The following NUP153 variants were observed in gnomAD, a reference collection of about 807,000 sequenced individuals.
The protein encoded by NUP153 is nucleoporin 153.
NUP153 carries 27 observed loss-of-function variants against 134.6 expected under a neutral mutation model. The observed-to-expected ratio is 0.20, with a 90% CI of 0.15 to 0.28. The LOEUF is 0.28. Ranked by LOEUF, NUP153 falls within the 10% of genes least tolerant of loss-of-function variation. The pLI is 1.00. For missense variants in NUP153, 1,821 were observed against 1,731.3 expected, an observed-to-expected ratio of 1.05 and a Z score of -0.92; for synonymous variants, 640 against 623.5, an observed-to-expected ratio of 1.03 and a Z score of -0.40.
chr6:17,629,587 T>G, intron 17 of NUP153, 48 bp from the exon 18 acceptor site: 1 of 1,499,634 alleles, frequency 6.7e-7, no homozygotes, highest in African/African-American at 1.4e-5. Context: ...GTACTGATCC[T>G]CTCAAACAAA....
chr6:17,649,296 A>G lies in NUP153; in HGVS notation c.1400T>C (p.Met467Thr). The G allele has an allele frequency of 1.2e-6, 2 of 1,609,992 alleles. No homozygotes were observed. The highest frequency in any genetic ancestry group is 1.7e-4 in the Middle Eastern group (1 of 6,044). The change falls in exon 12 of 22, where the codon ATG becomes ACG. Residue 467 changes from methionine (M) to threonine (T), a missense_variant. By Grantham distance (81) the Met-to-Thr change is moderately conservative. Transcript: ENST00000262077. Reference sequence around the variant, plus strand: ...GATTTTCGGTAATACTGGAACTTCCATTTCCTAAAACATAACATGTTGCAT... The same window carrying G: ...GATTTTCGGTAATACTGGAACTTCCGTTTCCTAAAACATAACATGTTGCAT... The part of the protein sequence containing the change: ...VASKPLEEEE[M>T]EVPVLPKISL...
At chr6:17,648,939 CCTT>C (rs779725124) in intron 12 of NUP153, among the ~76,000 whole-genome samples, 1 of 152,162 alleles carries the variant, frequency 6.6e-6, no homozygotes, top group Non-Finnish European at 1.5e-5. Context: ...ACAAGAATAT[CCTT>C]CTCTATGGTA....
Position 17,629,010 on chromosome 6 carries a change from G to C in NUP153, c.3189C>G (p.Phe1063Leu), listed in dbSNP as rs766384830. The C allele has an allele frequency of 3.1e-6, 5 of 1,614,154 alleles. No individual in the cohort carries two copies. The South Asian group carries it at 4.4e-5, about 14-fold the overall frequency. ...IETKSASVAPFTCKTSEAKKE... is the reference protein window; with the variant it reads ...IETKSASVAPLTCKTSEAKKE... ...TTTTAGCTTCTGATGTCTTACATGTGAAAGGAGCCACTGAAGCACTCTTGG... is the reference window on the plus strand; with the variant it reads ...TTTTAGCTTCTGATGTCTTACATGTCAAAGGAGCCACTGAAGCACTCTTGG... Residue 1063 changes from phenylalanine (F) to leucine (L), a missense_variant, in exon 18 of 22, where the codon TTC becomes TTG. By Grantham distance (22) the Phe-to-Leu change is conservative. Transcript: ENST00000262077.
chr6:17,645,057 C>G (rs1457067130), intron 14 of NUP153, among the ~76,000 whole-genome samples: 1 of 151,794 alleles, frequency 6.6e-6, no homozygotes, highest in Non-Finnish European at 1.5e-5. Flanking sequence ...TGTACTCCAA[C>G]CTGGGGGACA....
chr6:17,651,799 A>G, intron 11 of NUP153: 1 of 564,818 alleles, frequency 1.8e-6, no homozygotes, highest in Non-Finnish European at 3.4e-6. Flanking sequence ...AAAATCCATG[A>G]AACAAAAATT....
chr6:17,641,448 T>C (rs575034295), intron 14 of NUP153, among the ~76,000 whole-genome samples: 10 of 151,582 alleles, frequency 6.6e-5, no homozygotes, highest in East Asian at 2.0e-4. Context: ...GGCAGGAGAA[T>C]TGCTTGAACC....
intron 20 of NUP153, among the ~76,000 whole-genome samples, chr6:17,624,249 A>T (rs1006835734): frequency 2.0e-5 from 3 of 152,188 alleles, no homozygotes; most frequent in African/African-American, 4.8e-5. Context: ...ACAGGATCAG[A>T]AAATGCACTT....
intron 1 of NUP153, among the ~76,000 whole-genome samples, chr6:17,694,887 G>A (rs1478844375): frequency 6.6e-6 from 1 of 150,556 alleles, no homozygotes; most frequent in East Asian, 2.0e-4. Flanking sequence ...GCTGAGGTAG[G>A]AGAATCGCTT....
chr6:17,675,186 A>C lies in NUP153; in HGVS notation c.723+43T>G. The C allele has an allele frequency of 1.3e-6, 2 of 1,593,334 alleles. No individual in the cohort carries two copies. The highest frequency in any genetic ancestry group is 1.7e-6 in the Non-Finnish European group (2 of 1,172,768). The stretch of plus-strand genomic sequence containing the variant: ...AAAAAAAAAATTATAAGCAATAAAC[A>C]CTCAAAACTAATGTGATTAAATCCA... On this transcript the variant is annotated intron_variant, in intron 4 of 21. Transcript: ENST00000262077. The surrounding 1 kb of genome is among the most constrained non-coding windows in gnomAD (Gnocchi z 4.4).
At chr6:17,688,268 C>T (rs1769062006) in intron 2 of NUP153, 128 bp downstream of exon 2, 2 of 649,460 alleles carry the variant, frequency 3.1e-6, no homozygotes, top group African/African-American at 1.8e-5. Flanking sequence ...CCAATTTGAA[C>T]CTGATTATCA....
chr6:17,623,464 A>T (rs1764760059), intron 20 of NUP153, among the ~76,000 whole-genome samples: 2 of 152,192 alleles, frequency 1.3e-5, no homozygotes, highest in Admixed American at 1.3e-4. Flanking sequence ...GAATTGGCAG[A>T]ATCCATCAGG....
At chr6:17,666,376 G>A (rs563924658) in intron 8 of NUP153, among the ~76,000 whole-genome samples, 16 of 152,152 alleles carry the variant, frequency 1.1e-4, no homozygotes, top group African/African-American at 3.6e-4. Context: ...TTAGCCAGGC[G>A]TGGTGGCATG....
intron 21 of NUP153, 100 bp from the exon 22 acceptor site, chr6:17,616,281 G>T: frequency 1.7e-5 from 8 of 459,232 alleles, no homozygotes; most frequent in South Asian, 5.6e-5. Context: ...GGGGGGTCGG[G>T]TGGGGGGGGA....
At chr6:17,671,296 G>A (rs868803999) in intron 5 of NUP153, among the ~76,000 whole-genome samples, 6 of 151,950 alleles carry the variant, frequency 3.9e-5, no homozygotes, top group African/African-American at 7.3e-5. Flanking sequence ...TTTTGGTCTC[G>A]GGGTAATAAT....
At chr6:17,685,476 G>A (rs1000057117) in intron 2 of NUP153, among the ~76,000 whole-genome samples, 3 of 151,348 alleles carry the variant, frequency 2.0e-5, no homozygotes, top group Non-Finnish European at 4.4e-5. Flanking sequence ...GTGAACCCAG[G>A]AGGCGGAGCT....
intron 20 of NUP153, among the ~76,000 whole-genome samples, chr6:17,618,560 CTCTTTTTTT>C (rs1764459220): frequency 1.9e-5 from 2 of 104,946 alleles, no homozygotes; most frequent in Non-Finnish European, 1.8e-5. Context: ...GTTAAAATCT[CTCTTTTTTT>C]TTTTTTTTTT....
At chr6:17,678,377 A>AAAAAAAAAAAAAAAAAAAAATT (rs1768361448) in intron 2 of NUP153, among the ~76,000 whole-genome samples, 1 of 145,612 alleles carries the variant, frequency 6.9e-6, no homozygotes, top group Non-Finnish European at 1.5e-5. Context: ...AAAAAAAAAG[A>AAAAAAAAAAAAAAAAAAAAATT]TTCTGGCCTT....
chr6:17,704,730 C>CAA (rs10713867), intron 1 of NUP153, among the ~76,000 whole-genome samples: 1 of 139,488 alleles, frequency 7.2e-6, no homozygotes, highest in Non-Finnish European at 1.6e-5. Flanking sequence ...AACTAGAAGA[C>CAA]AAAAAAAAAA....
At chr6:17,690,052 ATATC>A (rs1290007426) in intron 1 of NUP153, among the ~76,000 whole-genome samples, 2 of 152,154 alleles carry the variant, frequency 1.3e-5, no homozygotes, top group Non-Finnish European at 2.9e-5. Context: ...CTACCACAGT[ATATC>A]TAAGACAGAG....
Sources: allele counts gnomAD v4.1 joint callset (sites outside exome capture counted in the v4.1 genomes callset), GRCh38; gene constraint gnomAD v4.1.1; non-coding constraint Gnocchi (gnomAD v3.1); transcripts MANE v1.5; gene names NCBI Gene and HGNC (gene_info 2026-07-23, HGNC 2026-07-21).